Variants in SHISA6 observed in about 807,000 individuals in gnomAD.
The protein encoded by SHISA6 is shisa family member 6, also known as protein shisa-6.
Under a neutral mutation model 47.9 loss-of-function variants are expected in SHISA6, and 22 were observed. The observed-to-expected ratio is 0.46, with a 90% CI of 0.33 to 0.66. SHISA6 has a LOEUF of 0.66. Among genes scored for constraint, SHISA6 ranks in the 30% least tolerant of loss-of-function variants. The pLI, the probability that SHISA6 is intolerant of heterozygous loss-of-function variation, is 0.02. For missense variants in SHISA6, 680 were observed against 764.6 expected (o/e 0.89, Z 1.30); for synonymous variants, 388 against 337.8 (o/e 1.15, Z -1.63).
intron 3 of SHISA6, among the ~76,000 whole-genome samples, chr17:11,408,793 C>T (rs2142270455): frequency 6.6e-6 from 1 of 152,288 alleles, no homozygotes; most frequent in African/African-American, 2.4e-5. Flanking sequence ...ACTTGAAGAG[C>T]TCAGCTGTTC....
intron 3 of SHISA6, among the ~76,000 whole-genome samples, chr17:11,541,036 T>G (rs781238087): frequency 6.6e-6 from 1 of 152,220 alleles, no homozygotes; most frequent in African/African-American, 2.4e-5. Context: ...CTCTCTGATC[T>G]TGGACAGGTT....
At chr17:11,271,824 C>A (rs1908679249) in intron 2 of SHISA6, among the ~76,000 whole-genome samples, 1 of 151,924 alleles carries the variant, frequency 6.6e-6, no homozygotes, top group Non-Finnish European at 1.5e-5. Flanking sequence ...GTGCCTGGGA[C>A]CCCATCTGTT....
chr17:11,245,209 G>A (rs1489646871), intron 1 of SHISA6, among the ~76,000 whole-genome samples: 3 of 152,260 alleles, frequency 2.0e-5, no homozygotes, highest in Non-Finnish European at 4.4e-5. Flanking sequence ...AGGAGGAAGA[G>A]ATGGGCACAG....
chr17:11,364,034 C>T (rs1009438979), intron 2 of SHISA6, among the ~76,000 whole-genome samples: 1 of 152,200 alleles, frequency 6.6e-6, no homozygotes, highest in Non-Finnish European at 1.5e-5. Context: ...CCAGCTTGCT[C>T]TTGAATTCTT....
chr17:11,518,945 C>T (rs2969205), intron 3 of SHISA6, among the ~76,000 whole-genome samples: 83,563 of 151,994 alleles, frequency 0.55, 23,267 homozygotes, highest in African/African-American at 0.65. Flanking sequence ...AACTTCCCTA[C>T]CCACCCATGG....
chr17:11,449,871 T>G lies in SHISA6; in HGVS notation c.895+70362T>G, dbSNP rs144817459. Among the ~76,000 whole-genome samples the G allele has an allele frequency of 7.2e-3, 1,095 of 152,292 alleles. 20 individuals carry two copies. Among genetic ancestry groups the G allele is most frequent in the African/African-American group, 0.025 (1,040 of 41,570 alleles). ...GTGTCTCTGTCTTCACATGGTGTTT[T>G]CTCCTATGAATCTCTTCTTTTTCTT... On this transcript the variant is annotated intron_variant, in intron 3 of 5. Transcript: ENST00000441885.
intron 3 of SHISA6, among the ~76,000 whole-genome samples, chr17:11,525,652 CAAAAAAAA>C (rs371530736): frequency 1.9e-5 from 2 of 104,278 alleles, no homozygotes. Flanking sequence ...AAAAAAAAAA[CAAAAAAAA>C]AAAAACGTGT....
intron 3 of SHISA6, among the ~76,000 whole-genome samples, chr17:11,470,574 C>G (rs1339865354): frequency 6.6e-6 from 1 of 152,224 alleles, no homozygotes; most frequent in Admixed American, 6.5e-5. Flanking sequence ...CAGGACCAAG[C>G]CTTCCAGGCA....
chr17:11,243,149 T>C (rs1172864925), intron 1 of SHISA6, among the ~76,000 whole-genome samples: 4 of 151,744 alleles, frequency 2.6e-5, no homozygotes, highest in African/African-American at 9.7e-5. Flanking sequence ...GCCCCCACAC[T>C]GACCCATTCA....
intron 3 of SHISA6, among the ~76,000 whole-genome samples, chr17:11,502,413 A>AAT (rs1484566315): frequency 1.4e-5 from 2 of 144,672 alleles, no homozygotes; most frequent in Non-Finnish European, 3.0e-5. Context: ...CGTCTCAAAA[A>AAT]AAAAAAAAAA....
chr17:11,318,059 A>AT (rs1910583296), intron 2 of SHISA6, among the ~76,000 whole-genome samples: 1 of 151,986 alleles, frequency 6.6e-6, no homozygotes, highest in South Asian at 2.1e-4. Context: ...ATAAATAGTA[A>AT]ATTTTTTTTA....
chr17:11,467,639 C>G (rs926792837), intron 3 of SHISA6, among the ~76,000 whole-genome samples: 1 of 152,148 alleles, frequency 6.6e-6, no homozygotes, highest in Non-Finnish European at 1.5e-5. Context: ...AATAGGAAAG[C>G]CTTTCACTTC....
chr17:11,256,969 G>T (rs1274018473), intron 1 of SHISA6, among the ~76,000 whole-genome samples: 3 of 152,232 alleles, frequency 2.0e-5, no homozygotes, highest in Non-Finnish European at 4.4e-5. Flanking sequence ...GGCAGGCCGT[G>T]CCTTCCCTCA....
chr17:11,417,989 A>G (rs960148602), intron 3 of SHISA6, among the ~76,000 whole-genome samples: 1 of 152,222 alleles, frequency 6.6e-6, no homozygotes, highest in African/African-American at 2.4e-5. Context: ...GAAGATAGTA[A>G]GAAGAAACAC....
At chr17:11,295,256 T>C (rs1025719557) in intron 2 of SHISA6, among the ~76,000 whole-genome samples, 2 of 152,232 alleles carry the variant, frequency 1.3e-5, no homozygotes, top group African/African-American at 4.8e-5. Context: ...CAGTCTTCTC[T>C]TGGAGTACCA....
intron 3 of SHISA6, among the ~76,000 whole-genome samples, chr17:11,419,931 C>T (rs538183219): frequency 1.1e-4 from 16 of 152,222 alleles, no homozygotes; most frequent in South Asian, 4.2e-4. Context: ...GGGCTGGGTG[C>T]GGTGGCCCAC....
chr17:11,371,667 T>C lies in SHISA6; in HGVS notation c.800-7747T>C, dbSNP rs930116345. On this transcript the variant is annotated intron_variant, in intron 2 of 5. Transcript: ENST00000441885. ...CCCTCTCGTTTCCTGGCCCTTGTAC[T>C]TCTTTTTATAAAATAACGTTATTAG... Among the ~76,000 whole-genome samples, 5 of 152,276 alleles carry C rather than the reference T, an allele frequency of 3.3e-5. No homozygotes were observed. The East Asian group carries it at 7.7e-4, about 24-fold the overall frequency.
intron 3 of SHISA6, among the ~76,000 whole-genome samples, chr17:11,409,588 C>T (rs1914059766): frequency 6.6e-6 from 1 of 151,564 alleles, no homozygotes; most frequent in African/African-American, 2.4e-5. Context: ...CCTGTAGTCC[C>T]AGCTACTCAG....
chr17:11,442,737 A>G (rs1307097676), intron 3 of SHISA6, among the ~76,000 whole-genome samples: 1 of 152,094 alleles, frequency 6.6e-6, no homozygotes, highest in Non-Finnish European at 1.5e-5. Context: ...TAAAGCTCTC[A>G]CTACCTGTGG....
Sources: gnomAD v4.1 joint callset for allele counts (sites outside exome capture counted in the v4.1 genomes callset) on GRCh38, gnomAD v4.1.1 for gene constraint, MANE v1.5 for transcripts, NCBI Gene and HGNC (gene_info 2026-07-23, HGNC 2026-07-21) for gene names.